ATP11B: variants seen among roughly 807,000 people sequenced by gnomAD.
ATP11B encodes phospholipid-transporting ATPase IF.
Under a neutral mutation model 157.8 loss-of-function variants are expected in ATP11B, and 81 were observed. That is an observed-to-expected ratio of 0.51 (90% CI 0.43 to 0.62). The LOEUF is 0.62. Ranked by LOEUF, ATP11B falls within the 20% of genes least tolerant of loss-of-function variation. The pLI, the probability that ATP11B is intolerant of heterozygous loss-of-function variation, is 0.00. For missense variants in ATP11B, 1,165 were observed against 1,402.2 expected (o/e 0.83, Z 2.70); for synonymous variants, 451 against 469.4 (o/e 0.96, Z 0.51).
At chr3:182,881,637 T>A (rs1399969533) in intron 21 of ATP11B, among the ~76,000 whole-genome samples, 1 of 152,228 alleles carries the variant, frequency 6.6e-6, no homozygotes, top group Non-Finnish European at 1.5e-5. Flanking sequence ...AAATACCACA[T>A]TAGTGAATTT....
At chr3:182,914,737 C>G in intron 29 of ATP11B, 1 of 985,268 alleles carries the variant, frequency 1.0e-6, no homozygotes, top group Non-Finnish European at 1.2e-6. Flanking sequence ...TTGGTAAACA[C>G]CATTTAAAAT....
At chr3:182,913,234 T>C (rs1013319331) in intron 28 of ATP11B, among the ~76,000 whole-genome samples, 1 of 152,210 alleles carries the variant, frequency 6.6e-6, no homozygotes, top group African/African-American at 2.4e-5. Context: ...CACTTAAAAG[T>C]TTTTAGCAAT....
At chr3:182,849,453 C>T (rs918256261) in intron 10 of ATP11B, among the ~76,000 whole-genome samples, 1 of 152,160 alleles carries the variant, frequency 6.6e-6, no homozygotes, top group South Asian at 2.1e-4. Flanking sequence ...TAGAAACTGT[C>T]TCCAAAATGA....
chr3:182,862,291 AC>A (rs1214923622), intron 12 of ATP11B, among the ~76,000 whole-genome samples: 2 of 151,854 alleles, frequency 1.3e-5, no homozygotes, highest in African/African-American at 2.4e-5. Context: ...AAAAAAAAAA[AC>A]AAAAAAAACC....
At chr3:182,879,723 A>G in intron 20 of ATP11B, 74 bp downstream of exon 20, 1 of 1,350,818 alleles carries the variant, frequency 7.4e-7, no homozygotes, top group Non-Finnish European at 9.9e-7. Flanking sequence ...TTAATGCCTT[A>G]CATAGTTCCA....
intron 1 of ATP11B, among the ~76,000 whole-genome samples, chr3:182,803,451 G>A (rs4859247): frequency 6.6e-6 from 1 of 151,840 alleles, no homozygotes; most frequent in Non-Finnish European, 1.5e-5. Flanking sequence ...AGTCTGTTCC[G>A]TGTATTTAAT....
intron 21 of ATP11B, among the ~76,000 whole-genome samples, chr3:182,883,754 G>C (rs1440555274): frequency 6.6e-6 from 1 of 150,710 alleles, no homozygotes; most frequent in Non-Finnish European, 1.5e-5. Context: ...AGGAGATCGA[G>C]ACCATCCCGG....
intron 27 of ATP11B, among the ~76,000 whole-genome samples, chr3:182,898,193 A>G (rs1723695932): frequency 6.6e-6 from 1 of 152,172 alleles, no homozygotes; most frequent in Non-Finnish European, 1.5e-5. Flanking sequence ...ATGTAAAACT[A>G]GTATTCGTGA....
intron 17 of ATP11B, among the ~76,000 whole-genome samples, chr3:182,870,284 A>G (rs1721557333): frequency 6.6e-6 from 1 of 152,240 alleles, no homozygotes; most frequent in Admixed American, 6.5e-5. Flanking sequence ...GCCATCATTC[A>G]TGTAAATGGC....
chr3:182,837,035 AT>A (rs772751554), intron 6 of ATP11B, 35 bp from the exon 7 acceptor site: 1 of 1,501,086 alleles, frequency 6.7e-7, no homozygotes, highest in Non-Finnish European at 9.2e-7. Context: ...CGCAATTTGG[AT>A]CTGAAAACTC....
At chr3:182,828,306 C>T (rs1576981042) in intron 3 of ATP11B, 97 bp downstream of exon 3, 1 of 561,466 alleles carries the variant, frequency 1.8e-6, no homozygotes, top group East Asian at 3.1e-5. Flanking sequence ...ATCATTTGAC[C>T]ATGTGACCAT....
chr3:182,817,710 T>G (rs1717052976), intron 1 of ATP11B, among the ~76,000 whole-genome samples: 1 of 152,220 alleles, frequency 6.6e-6, no homozygotes, highest in Non-Finnish European at 1.5e-5. Context: ...TTGCTTCATG[T>G]AAAGTATGTG....
At chr3:182,898,014 C>T (rs1297888462) in intron 27 of ATP11B, among the ~76,000 whole-genome samples, 3 of 150,842 alleles carry the variant, frequency 2.0e-5, no homozygotes, top group Non-Finnish European at 4.4e-5. Flanking sequence ...ATTTATCAGA[C>T]AAAAAAAAGC....
intron 1 of ATP11B, among the ~76,000 whole-genome samples, chr3:182,808,971 T>C (rs188289402): frequency 2.3e-4 from 35 of 152,210 alleles, no homozygotes; most frequent in East Asian, 1.7e-3. Context: ...ATTTAAAGTC[T>C]TAGATTGTTT....
chr3:182,814,576 G>A (rs1262446705), intron 1 of ATP11B, among the ~76,000 whole-genome samples: 4 of 152,148 alleles, frequency 2.6e-5, no homozygotes, highest in Non-Finnish European at 5.9e-5. Flanking sequence ...GGGAGATTGA[G>A]GAAGGAGGAT....
chr3:182,883,995 C>T (rs541068771), intron 21 of ATP11B, among the ~76,000 whole-genome samples: 16 of 140,092 alleles, frequency 1.1e-4, no homozygotes, highest in Non-Finnish European at 2.1e-4. Flanking sequence ...CTAAAAACAG[C>T]AGTTTTCTCT....
chr3:182,855,396 C>G (rs1459403466), intron 10 of ATP11B, among the ~76,000 whole-genome samples: 5 of 152,006 alleles, frequency 3.3e-5, no homozygotes, highest in African/African-American at 1.2e-4. Flanking sequence ...AAAATTAATT[C>G]AATTAGAGTA....
chr3:182,798,041 G>A (rs528713635), intron 1 of ATP11B, among the ~76,000 whole-genome samples: 1 of 152,180 alleles, frequency 6.6e-6, no homozygotes, highest in Admixed American at 6.5e-5. Context: ...GAAGGTTAGG[G>A]TGGGAAGGTC....
intron 19 of ATP11B, among the ~76,000 whole-genome samples, chr3:182,874,585 A>C (rs1316171833): frequency 6.6e-6 from 1 of 152,220 alleles, no homozygotes; most frequent in Admixed American, 6.5e-5. Flanking sequence ...ATGCATTGAT[A>C]TGTTAGCTGT....
Sources: allele counts gnomAD v4.1 joint callset (sites outside exome capture counted in the v4.1 genomes callset), GRCh38; gene constraint gnomAD v4.1.1; transcripts MANE v1.5; gene names NCBI Gene and HGNC (gene_info 2026-07-23, HGNC 2026-07-21).